Variants in TET3 observed in about 807,000 individuals in gnomAD.
TET3 encodes methylcytosine dioxygenase TET3.
In TET3, 19 loss-of-function variants were observed where a neutral mutation model predicts 141.4. The ratio of observed to expected loss-of-function variants is 0.13; its 90% CI spans 0.09 to 0.20. The LOEUF (loss-of-function observed/expected upper bound fraction) is 0.20, where lower values mean the gene tolerates loss of function less well. Ranked by LOEUF, TET3 falls within the 10% of genes least tolerant of loss-of-function variation. The probability of loss-of-function intolerance (pLI) is 1.00; values close to 1 mark genes in which losing one functional copy is unlikely to be tolerated. For synonymous variants in TET3, 1,043 were observed against 980.9 expected, an observed-to-expected ratio of 1.06 and a Z score of -1.18; for missense variants, 1,874 against 2,356.9, an observed-to-expected ratio of 0.80 and a Z score of 4.24.
chr2:74,096,876 G>A (rs1690867039), intron 10 of TET3, among the ~76,000 whole-genome samples: 1 of 152,072 alleles, frequency 6.6e-6, no homozygotes, highest in Non-Finnish European at 1.5e-5. Flanking sequence ...AGGCTCACTT[G>A]AGCCCAGGAG....
At chr2:74,060,966 T>TC (rs1688484158) in intron 4 of TET3, among the ~76,000 whole-genome samples, 1 of 151,838 alleles carries the variant, frequency 6.6e-6, no homozygotes, top group Non-Finnish European at 1.5e-5. Flanking sequence ...TCCCCACCTT[T>TC]CCCCCCTTTC....
At chr2:74,089,516 C>T (rs558501017) in intron 7 of TET3, among the ~76,000 whole-genome samples, 2 of 152,332 alleles carry the variant, frequency 1.3e-5, no homozygotes, top group East Asian at 3.9e-4. Flanking sequence ...CACGTTCAAA[C>T]CCTGGGGCTC....
intron 10 of TET3, among the ~76,000 whole-genome samples, chr2:74,094,519 C>T (rs373582658): frequency 1.4e-4 from 21 of 152,106 alleles, no homozygotes; most frequent in African/African-American, 1.7e-4. Context: ...TAAAGTTAGA[C>T]GCACTCCTGC....
At position 74,090,722 on chromosome 2, in the gene TET3, C is replaced by T. The variant is rs534384521; in HGVS notation, c.3039+675C>T. On this transcript the variant is annotated intron_variant, in intron 8 of 11. Transcript: ENST00000409262. ...TGGGGGCCGGAGCATCTGCTCAGGC[C>T]GCCTCCCCTCTGTTGTTTGTCCTCT... Among the ~76,000 whole-genome samples, 10 of 152,300 alleles carry T rather than the reference C, an allele frequency of 6.6e-5. No individual in the cohort carries two copies. In the East Asian group the frequency reaches 1.2e-3, roughly 18 times the overall value.
chr2:74,067,258 C>G (rs1688955335), intron 4 of TET3, among the ~76,000 whole-genome samples: 1 of 152,230 alleles, frequency 6.6e-6, no homozygotes, highest in African/African-American at 2.4e-5. Flanking sequence ...TGTTTAAGCA[C>G]TGGTACCTTG....
intron 3 of TET3, among the ~76,000 whole-genome samples, chr2:74,019,414 A>T (rs1685911306): frequency 6.6e-6 from 1 of 152,154 alleles, no homozygotes. Flanking sequence ...TTGCCCGCAT[A>T]TTAGAAATGC....
rs190884526 is a variant in TET3, at chr2:73,997,099, G to C, written c.304-6011G>C. Among the ~76,000 whole-genome samples, 10 of 152,358 alleles carry C rather than the reference G, an allele frequency of 6.6e-5. No individual in the cohort carries two copies. The East Asian group carries it at 1.9e-3, about 29-fold the overall frequency. The stretch of plus-strand genomic sequence containing the variant: ...GACTGCTGCTAGAGCAGCAATTCCA[G>C]ATTCTCAGAATGGATGGGAAGTTGC... On this transcript the variant is annotated intron_variant, in intron 2 of 11. Transcript: ENST00000409262.
chr2:74,080,655 C>T lies in TET3; in HGVS notation c.2679+64C>T, dbSNP rs925615417. On this transcript the variant is annotated intron_variant, in intron 6 of 11. Transcript: ENST00000409262. ...GGTTCCCCTTGCTGCATGGCCACGGCTGTGCCTGGTTCCCCTTGCTGCATG... is the reference window on the plus strand; with the variant it reads ...GGTTCCCCTTGCTGCATGGCCACGGTTGTGCCTGGTTCCCCTTGCTGCATG... 4.2e-6 allele frequency: 6 copies of T among 1,434,792 alleles called. No individual in the cohort carries two copies. The Admixed American group carries it at 9.9e-5, about 24-fold the overall frequency. The allele number at this position is 1,434,792 out of a possible 1,614,324, so 88.9% of individuals were successfully genotyped here. A position where few individuals can be genotyped will look rare whatever the true frequency, so the allele number is the denominator to read the frequency against.
chr2:74,125,624 G>A, the TET3 span, among the ~76,000 whole-genome samples: 6 of 151,906 alleles, frequency 3.9e-5, no homozygotes, highest in Middle Eastern at 3.4e-3. Flanking sequence ...AATAAGAAGT[G>A]TGGCATTGTG....
At chr2:74,040,372 G>C (rs1687280936) in intron 3 of TET3, among the ~76,000 whole-genome samples, 1 of 152,124 alleles carries the variant, frequency 6.6e-6, no homozygotes. Context: ...GGATGGAAAG[G>C]GAGGAGATAA....
chr2:74,111,475 T>C (rs958704669), downstream of TET3, among the ~76,000 whole-genome samples: 4 of 152,246 alleles, frequency 2.6e-5, no homozygotes, highest in African/African-American at 9.6e-5. Flanking sequence ...TTCTCAATCC[T>C]GCTTCTCTTT....
the TET3 span, among the ~76,000 whole-genome samples, chr2:74,113,317 T>C: frequency 4.0e-5 from 6 of 151,856 alleles, no homozygotes; most frequent in Non-Finnish European, 5.9e-5. Flanking sequence ...ACCCGGGACG[T>C]GGAGGTTGCA....
chr2:74,072,858 G>T (rs1297615066), intron 4 of TET3, among the ~76,000 whole-genome samples: 1 of 152,168 alleles, frequency 6.6e-6, no homozygotes, highest in Non-Finnish European at 1.5e-5. Flanking sequence ...TTTGTCCTTT[G>T]TGTCTGGTTT....
chr2:74,127,320 CT>C, the TET3 span, among the ~76,000 whole-genome samples: 2 of 152,140 alleles, frequency 1.3e-5, no homozygotes, highest in Non-Finnish European at 1.5e-5. Context: ...CTATGTAATT[CT>C]TTTAAGTTTG....
chr2:74,015,224 G>A (rs1392508483), intron 3 of TET3, among the ~76,000 whole-genome samples: 2 of 152,226 alleles, frequency 1.3e-5, no homozygotes, highest in African/African-American at 4.8e-5. Context: ...GATAGGCAGG[G>A]AGAGGAAGAA....
At chr2:74,080,300 C>T (rs915897339) in intron 5 of TET3, among the ~76,000 whole-genome samples, 198 bp from the exon 6 acceptor site, 4 of 152,350 alleles carry the variant, frequency 2.6e-5, no homozygotes, top group Admixed American at 2.6e-4. Context: ...GCAGGTGAAC[C>T]TGGAAGCCTG....
chr2:74,119,059 A>G, the TET3 span, among the ~76,000 whole-genome samples: 1 of 152,128 alleles, frequency 6.6e-6, no homozygotes, highest in Non-Finnish European at 1.5e-5. Context: ...TTCTTTCACA[A>G]TATTGCCAAC....
chr2:74,099,696 T>A, intron 11 of TET3, 84 bp downstream of exon 11: 1 of 1,343,710 alleles, frequency 7.4e-7, no homozygotes, highest in Non-Finnish European at 1.0e-6. Flanking sequence ...CCCTCCTGCA[T>A]CACACTGGAA....
At chr2:74,043,412 T>A (rs982418546) in intron 3 of TET3, among the ~76,000 whole-genome samples, 8 of 152,162 alleles carry the variant, frequency 5.3e-5, no homozygotes, top group Non-Finnish European at 7.3e-5. Context: ...CATTGAGATT[T>A]GGACCCTGCC....
Sources: gnomAD v4.1 joint callset for allele counts (sites outside exome capture counted in the v4.1 genomes callset) on GRCh38, gnomAD v4.1.1 for gene constraint, MANE v1.5 for transcripts, NCBI Gene and HGNC (gene_info 2026-07-23, HGNC 2026-07-21) for gene names.